The following PLPP1 variants were observed in gnomAD, a reference collection of about 807,000 sequenced individuals.
PLPP1 encodes phospholipid phosphatase 1.
PLPP1 carries 24 observed loss-of-function variants against 31.2 expected under a neutral mutation model. The observed-to-expected ratio is 0.77, with a 90% CI of 0.56 to 1.08. PLPP1 has a LOEUF of 1.08. PLPP1 is among the 50% of genes least tolerant of loss of function. PLPP1 has a pLI of 0.00. For synonymous variants in PLPP1, 146 were observed against 126.3 expected (o/e 1.16, Z -1.05); for missense variants, 319 against 342.7 (o/e 0.93, Z 0.55).
At chr5:55,493,004 T>C (rs1179346110) in intron 1 of PLPP1, among the ~76,000 whole-genome samples, 1 of 152,126 alleles carries the variant, frequency 6.6e-6, no homozygotes, top group Non-Finnish European at 1.5e-5. Flanking sequence ...ATAATACATG[T>C]TGTGTTCACG....
chr5:55,484,316 TC>T (rs1326509245), intron 1 of PLPP1: 1 of 151,988 alleles, frequency 6.6e-6, no homozygotes, highest in Non-Finnish European at 1.5e-5. Context: ...TCCACCCCCT[TC>T]TCCTTGTTGT....
intron 4 of PLPP1, among the ~76,000 whole-genome samples, chr5:55,437,701 G>C (rs1190161915): frequency 6.6e-6 from 1 of 152,112 alleles, no homozygotes; most frequent in African/African-American, 2.4e-5. Flanking sequence ...CTGGAAAGCA[G>C]GCCTCAGTTT....
Position 55,445,127 on chromosome 5 carries a change from C to G in PLPP1, c.492-3219G>C, listed in dbSNP as rs555404902. On this transcript the variant is annotated intron_variant, in intron 3 of 5. Coordinates refer to ENST00000307259, the MANE Select transcript of PLPP1 (RefSeq NM_003711.4). Reference sequence around the variant, plus strand: ...CAGCCAGGGCACCCCCTTCTCAGAGCTGATTAAACTTGGCCTGATCCCCAA... The same window carrying G: ...CAGCCAGGGCACCCCCTTCTCAGAGGTGATTAAACTTGGCCTGATCCCCAA... 3.3e-5 allele frequency among the ~76,000 whole-genome samples: 5 copies of G among 152,256 alleles called. No individual in the cohort carries two copies. In the South Asian group the frequency reaches 1.0e-3, roughly 32 times the overall value.
chr5:55,534,858 G>A lies in PLPP1; in HGVS notation c.-229C>T, dbSNP rs1740830541. ...CAGCCCCCGCGAACACTCGGTTAGT[G>A]CCGAGGCGCTCGTGTGCCAGCCGCG... On this transcript the variant is annotated 5_prime_UTR_variant, in exon 1 of 6. Transcript: ENST00000307259. 2.0e-6 allele frequency: 1 copy of A among 510,046 alleles called. No individual in the cohort carries two copies. The highest frequency in any genetic ancestry group is 2.6e-5 in the South Asian group (1 of 38,092). 31.6% of individuals were successfully genotyped at this position (510,046 alleles called of 1,614,324 possible). A position where few individuals can be genotyped will look rare whatever the true frequency, so the allele number is the denominator to read the frequency against.
At chr5:55,426,444 G>T (rs1450789238) in intron 4 of PLPP1, among the ~76,000 whole-genome samples, 1 of 152,110 alleles carries the variant, frequency 6.6e-6, no homozygotes, top group African/African-American at 2.4e-5. Flanking sequence ...CTGTTGCCCA[G>T]ACTGGAGTGC....
chr5:55,475,514 T>C, intron 1 of PLPP1, 64 bp from the exon 2 acceptor site: 3 of 1,391,046 alleles, frequency 2.2e-6, no homozygotes, highest in Non-Finnish European at 2.9e-6. Context: ...TTAATGGCAA[T>C]AATTATCCCA....
intron 4 of PLPP1, among the ~76,000 whole-genome samples, chr5:55,434,148 A>T (rs1751437487): frequency 6.6e-6 from 1 of 151,624 alleles, no homozygotes; most frequent in Non-Finnish European, 1.5e-5. Context: ...AAAAAAAAAA[A>T]AGAGCAATCC....
At chr5:55,479,365 C>T (rs1352113378) in intron 1 of PLPP1, among the ~76,000 whole-genome samples, 1 of 152,300 alleles carries the variant, frequency 6.6e-6, no homozygotes, top group East Asian at 1.9e-4. Flanking sequence ...AGTGCCATTT[C>T]ATTTTCACTA....
chr5:55,445,535 C>CTT (rs753276317), intron 3 of PLPP1, among the ~76,000 whole-genome samples: 28 of 79,648 alleles, frequency 3.5e-4, no homozygotes, highest in East Asian at 1.1e-3. Context: ...TGCATTCACT[C>CTT]TTTTTTTTTT....
chr5:55,426,577 T>G (rs886323154), intron 4 of PLPP1, among the ~76,000 whole-genome samples: 73 of 149,766 alleles, frequency 4.9e-4, no homozygotes, highest in Non-Finnish European at 9.2e-4. Context: ...AATTGGTTTT[T>G]TTTTTTTTTT....
At chr5:55,504,226 G>A (rs534578636) in intron 1 of PLPP1, among the ~76,000 whole-genome samples, 5 of 151,764 alleles carry the variant, frequency 3.3e-5, no homozygotes, top group South Asian at 4.2e-4. Flanking sequence ...AAAATTAGCC[G>A]GGTGTGGTAC....
chr5:55,458,342 C>T (rs1752066338), intron 3 of PLPP1, among the ~76,000 whole-genome samples: 2 of 151,912 alleles, frequency 1.3e-5, no homozygotes, highest in Admixed American at 1.3e-4. Context: ...AAAATAAACA[C>T]CTTTCTTCAT....
At chr5:55,502,285 A>G (rs11952786) in intron 1 of PLPP1, among the ~76,000 whole-genome samples, 119,472 of 152,098 alleles carry the variant, frequency 0.79, 47,861 homozygotes, top group Middle Eastern at 0.88. Context: ...TCAAGAGATC[A>G]AGGCCATCCT....
At position 55,534,640 on chromosome 5, in the gene PLPP1, C is replaced by A. The variant is rs202143781; in HGVS notation, c.-11G>T. 622 of 1,544,146 alleles carry A rather than the reference C, an allele frequency of 4.0e-4. No individual in the cohort carries two copies. The African/African-American group carries it at 8.1e-3, about 20-fold the overall frequency. On this transcript the variant is annotated 5_prime_UTR_variant, in exon 1 of 6. Transcript: ENST00000307259. ...CGTCTTGTCAAACATGGTCTCTGCCCGGGCTGCCCGGCAAGGGCGATGGAC... is the reference window on the plus strand; with the variant it reads ...CGTCTTGTCAAACATGGTCTCTGCCAGGGCTGCCCGGCAAGGGCGATGGAC...
At chr5:55,463,211 G>T (rs988107868) in intron 3 of PLPP1, among the ~76,000 whole-genome samples, 7 of 151,980 alleles carry the variant, frequency 4.6e-5, no homozygotes, top group Admixed American at 4.6e-4. Flanking sequence ...CGTGGGGAGA[G>T]CATTAGGACA....
chr5:55,512,163 C>A (rs1753429375), intron 1 of PLPP1, among the ~76,000 whole-genome samples: 1 of 151,556 alleles, frequency 6.6e-6, no homozygotes, highest in Non-Finnish European at 1.5e-5. Context: ...CTTCAGGAAT[C>A]AGAATATTTT....
chr5:55,523,035 A>G (rs992280489), intron 1 of PLPP1, among the ~76,000 whole-genome samples: 4 of 152,080 alleles, frequency 2.6e-5, no homozygotes, highest in Non-Finnish European at 5.9e-5. Context: ...GATTGTTTTT[A>G]TAGACAATGA....
intron 3 of PLPP1, among the ~76,000 whole-genome samples, chr5:55,463,164 T>G (rs1342395899): frequency 1.3e-5 from 2 of 151,770 alleles, no homozygotes; most frequent in East Asian, 3.9e-4. Context: ...GAGGGAAACA[T>G]CACACACCGG....
At chr5:55,506,798 C>T (rs1220389008) in intron 1 of PLPP1, among the ~76,000 whole-genome samples, 1 of 152,106 alleles carries the variant, frequency 6.6e-6, no homozygotes, top group Non-Finnish European at 1.5e-5. Flanking sequence ...AAGTTTGCTT[C>T]CATGAACCCT....
Sources: gnomAD v4.1 joint callset for allele counts (sites outside exome capture counted in the v4.1 genomes callset) on GRCh38, gnomAD v4.1.1 for gene constraint, MANE v1.5 for transcripts, NCBI Gene and HGNC (gene_info 2026-07-23, HGNC 2026-07-21) for gene names.